The following PCDH9 variants were observed in gnomAD, a reference collection of about 807,000 sequenced individuals.
PCDH9 encodes the protein protocadherin-9.
A neutral mutation model predicts 70.6 loss-of-function variants in PCDH9; 24 were observed. That is an observed-to-expected ratio of 0.34 (90% CI 0.25 to 0.48). The LOEUF (loss-of-function observed/expected upper bound fraction) is 0.48, where lower values mean the gene tolerates loss of function less well. Ranked by LOEUF, PCDH9 falls within the 20% of genes least tolerant of loss-of-function variation. The pLI, the probability that PCDH9 is intolerant of heterozygous loss-of-function variation, is 0.99. For missense variants in PCDH9, 1,281 were observed against 1,503.6 expected (o/e 0.85, Z 2.45); for synonymous variants, 562 against 558.5 (o/e 1.01, Z -0.09).
In PCDH9 at chr13:66,339,628, T is replaced by C. The variant is rs1196792037; in HGVS notation, c.3341-34600A>G. Among the ~76,000 whole-genome samples the C allele has an allele frequency of 3.9e-5, 6 of 152,150 alleles. No individual in the cohort carries two copies. The South Asian group carries it at 1.2e-3, about 32-fold the overall frequency. On this transcript the variant is annotated intron_variant, in intron 4 of 4. Coordinates refer to ENST00000377865, the MANE Select transcript of PCDH9 (RefSeq NM_203487.3). ...AAATACACTGTGCCATGATTATGTT[T>C]TTTTGCAATGTGTATGCAATTGCTT...
At chr13:66,534,797 C>T (rs1303943434) in intron 4 of PCDH9, among the ~76,000 whole-genome samples, 1 of 152,092 alleles carries the variant, frequency 6.6e-6, no homozygotes, top group Non-Finnish European at 1.5e-5. Flanking sequence ...AGGCCGACAA[C>T]CTTTTCTAGT....
chr13:66,788,670 T>G (rs1421388603), intron 3 of PCDH9, among the ~76,000 whole-genome samples: 6 of 148,796 alleles, frequency 4.0e-5, no homozygotes, highest in Admixed American at 2.7e-4. Context: ...TTTTTTTTTT[T>G]TTTGCTGGGC....
intron 2 of PCDH9, among the ~76,000 whole-genome samples, chr13:67,174,189 T>C (rs2088376489): frequency 6.6e-6 from 1 of 152,110 alleles, no homozygotes; most frequent in South Asian, 2.1e-4. Flanking sequence ...ATAAAATATG[T>C]CCTTAGTATT....
At chr13:66,395,103 T>C (rs2138278481) in intron 4 of PCDH9, among the ~76,000 whole-genome samples, 1 of 152,270 alleles carries the variant, frequency 6.6e-6, no homozygotes, top group South Asian at 2.1e-4. Flanking sequence ...ATGACATTAG[T>C]CCTCATACAT....
At chr13:66,473,128 T>A (rs1349340665) in intron 4 of PCDH9, among the ~76,000 whole-genome samples, 2 of 152,036 alleles carry the variant, frequency 1.3e-5, no homozygotes, top group Non-Finnish European at 2.9e-5. Flanking sequence ...TGGCAGTTTA[T>A]TCAAACTTTT....
At chr13:67,096,447 AAT>A (rs2086322183) in intron 2 of PCDH9, among the ~76,000 whole-genome samples, 1 of 152,186 alleles carries the variant, frequency 6.6e-6, no homozygotes, top group Admixed American at 6.5e-5. Flanking sequence ...AAGAGAGGAA[AAT>A]ACTGACTTTA....
chr13:66,853,438 G>T (rs1206323692), intron 3 of PCDH9, among the ~76,000 whole-genome samples: 1 of 152,002 alleles, frequency 6.6e-6, no homozygotes, highest in East Asian at 1.9e-4. Flanking sequence ...CTCCAGCAAT[G>T]CCTTTGATCT....
At chr13:66,515,519 CATT>C (rs1477689913) in intron 4 of PCDH9, among the ~76,000 whole-genome samples, 2 of 151,638 alleles carry the variant, frequency 1.3e-5, no homozygotes, top group Non-Finnish European at 2.9e-5. Flanking sequence ...AAAATCATAA[CATT>C]ATACATATTT....
chr13:66,452,718 T>G (rs1471716130), intron 4 of PCDH9, among the ~76,000 whole-genome samples: 4 of 152,134 alleles, frequency 2.6e-5, no homozygotes, highest in Admixed American at 1.3e-4. Flanking sequence ...CAATTACTTT[T>G]CCAAAGCTTC....
chr13:66,940,147 G>A (rs75351828), intron 2 of PCDH9, among the ~76,000 whole-genome samples: 2,421 of 152,198 alleles, frequency 0.016, 49 homozygotes, highest in African/African-American at 0.053. Flanking sequence ...GCTTCGTATA[G>A]AAGCTTTAAT....
At chr13:66,975,271 T>G (rs2139756163) in intron 2 of PCDH9, among the ~76,000 whole-genome samples, 1 of 152,146 alleles carries the variant, frequency 6.6e-6, no homozygotes, top group South Asian at 2.1e-4. Flanking sequence ...TGGAGAGATC[T>G]CAATAAAATA....
intron 2 of PCDH9, among the ~76,000 whole-genome samples, chr13:67,084,595 C>T (rs887438956): frequency 4.6e-5 from 7 of 152,008 alleles, no homozygotes; most frequent in African/African-American, 7.2e-5. Flanking sequence ...CAAATAAAGT[C>T]CTTCCTTTTT....
chr13:66,402,803 G>C (rs576384009), intron 4 of PCDH9, among the ~76,000 whole-genome samples: 22 of 152,236 alleles, frequency 1.4e-4, no homozygotes, highest in African/African-American at 5.3e-4. Flanking sequence ...AATAAAGGTT[G>C]TTGATCACAT....
At chr13:67,153,587 A>G (rs1221340706) in intron 2 of PCDH9, among the ~76,000 whole-genome samples, 4 of 152,198 alleles carry the variant, frequency 2.6e-5, no homozygotes, top group Admixed American at 2.0e-4. Context: ...GTTTCATAAC[A>G]TCTATGGATG....
At chr13:66,445,907 A>G (rs577655489) in intron 4 of PCDH9, among the ~76,000 whole-genome samples, 54 of 151,244 alleles carry the variant, frequency 3.6e-4, no homozygotes, top group African/African-American at 1.2e-3. Context: ...GTTTATTTCA[A>G]AGGCTTGGTA....
At chr13:66,491,646 G>T (rs1959036031) in intron 4 of PCDH9, among the ~76,000 whole-genome samples, 1 of 151,994 alleles carries the variant, frequency 6.6e-6, no homozygotes, top group South Asian at 2.1e-4. Flanking sequence ...AGTTGAACTT[G>T]TACACTGTAT....
chr13:66,986,806 T>C (rs1243677687), intron 2 of PCDH9, among the ~76,000 whole-genome samples: 1 of 151,980 alleles, frequency 6.6e-6, no homozygotes, highest in Non-Finnish European at 1.5e-5. Context: ...TCATTTTCAA[T>C]AATTTTTAAA....
At chr13:66,808,933 T>G (rs1278730625) in intron 3 of PCDH9, among the ~76,000 whole-genome samples, 3 of 152,158 alleles carry the variant, frequency 2.0e-5, no homozygotes, top group Non-Finnish European at 4.4e-5. Flanking sequence ...TTCTTGTGAT[T>G]TAAAATTTTT....
intron 4 of PCDH9, among the ~76,000 whole-genome samples, chr13:66,391,219 C>A (rs1240836699): frequency 6.6e-6 from 1 of 152,164 alleles, no homozygotes; most frequent in Non-Finnish European, 1.5e-5. Flanking sequence ...ACCACAATTT[C>A]AAGAGAATTG....
Sources: allele counts gnomAD v4.1 joint callset (sites outside exome capture counted in the v4.1 genomes callset), GRCh38; gene constraint gnomAD v4.1.1; transcripts MANE v1.5; gene names NCBI Gene and HGNC (gene_info 2026-07-23, HGNC 2026-07-21).